The following KNG1 variants were observed in gnomAD, a reference collection of about 807,000 sequenced individuals.
The protein encoded by KNG1 is kininogen-1.
In KNG1, 23 loss-of-function variants were observed where a neutral mutation model predicts 47.8. The observed-to-expected ratio is 0.48, with a 90% CI of 0.35 to 0.68. The LOEUF is 0.68. Among genes scored for constraint, KNG1 ranks in the 30% least tolerant of loss-of-function variants. The pLI is 0.01. For synonymous variants in KNG1, 277 were observed against 277.0 expected, an observed-to-expected ratio of 1.00 and a Z score of 0.00; for missense variants, 762 against 790.2, an observed-to-expected ratio of 0.96 and a Z score of 0.43.
chr3:186,743,477 T>C lies in KNG1; in HGVS notation c.*1146T>C, dbSNP rs1042799829. On this transcript the variant is annotated 3_prime_UTR_variant, in exon 10 of 10. Coordinates refer to ENST00000644859, the MANE Select transcript of KNG1 (RefSeq NM_001102416.3). Reference sequence around the variant, plus strand: ...TACTTTTGCCTAGAAAAACAAGATATGGCTTTAAATAGCTACAATCATCTT... The same window carrying C: ...TACTTTTGCCTAGAAAAACAAGATACGGCTTTAAATAGCTACAATCATCTT... The C allele has an allele frequency of 9.2e-6, 5 of 542,766 alleles. No individual in the cohort carries two copies. Among genetic ancestry groups the C allele is most frequent in the East Asian group, 3.2e-5 (1 of 31,138 alleles). The allele number at this position is 542,766 out of a possible 1,614,324, so 33.6% of individuals were successfully genotyped here. A position where few individuals can be genotyped will look rare whatever the true frequency, so the allele number is the denominator to read the frequency against.
chr3:186,726,163 A>C (rs1021068656), intron 4 of KNG1, among the ~76,000 whole-genome samples: 2 of 151,750 alleles, frequency 1.3e-5, no homozygotes, highest in African/African-American at 2.4e-5. Flanking sequence ...CAAACTCCCA[A>C]CCTCAAGTCA....
intron 5 of KNG1, among the ~76,000 whole-genome samples, chr3:186,729,759 G>T (rs975590339): frequency 3.3e-5 from 5 of 151,556 alleles, no homozygotes; most frequent in Non-Finnish European, 7.4e-5. Context: ...TGCAACCTCC[G>T]CCTCCCGGGT....
At chr3:186,735,489 G>T (rs1720649968) in intron 7 of KNG1, among the ~76,000 whole-genome samples, 1 of 151,936 alleles carries the variant, frequency 6.6e-6, no homozygotes, top group Non-Finnish European at 1.5e-5. Flanking sequence ...GTGGTGGTGG[G>T]TGCCTATAAT....
Position 186,738,701 on chromosome 3 carries a change from C to G in KNG1, c.931-398C>G, listed in dbSNP as rs143550734. The G allele has an allele frequency of 1.8e-3, 376 of 212,938 alleles. 6 individuals carry two copies. The highest frequency in any genetic ancestry group is 8.7e-3 in the African/African-American group (367 of 42,002). 13.2% of individuals were successfully genotyped at this position (212,938 alleles called of 1,614,324 possible). ...ATCTCTACTAAAAATATAAAATTAG[C>G]CAGGCGTGGAGGTGGGCAACTGTAA... is the stretch of plus-strand genomic sequence containing the variant. On this transcript the variant is annotated intron_variant, in intron 7 of 9. Coordinates refer to ENST00000644859, the MANE Select transcript of KNG1 (RefSeq NM_001102416.3).
Position 186,742,129 on chromosome 3 carries a change from C to T in KNG1, c.1733C>T (p.Pro578Leu). The T allele has an allele frequency of 6.2e-7, 1 of 1,614,090 alleles. No individual in the cohort carries two copies. Among genetic ancestry groups the T allele is most frequent in the Non-Finnish European group, 8.5e-7 (1 of 1,180,014 alleles). ...LIATMMPPISPAPIQSDDDWI... is the reference protein window; with the variant it reads ...LIATMMPPISLAPIQSDDDWI... ...GCAACTATGATGCCTCCTATATCACCAGCTCCCATACAGAGTGATGACGAT... is the reference window on the plus strand; with the variant it reads ...GCAACTATGATGCCTCCTATATCACTAGCTCCCATACAGAGTGATGACGAT... Residue 578 changes from proline (P) to leucine (L), a missense_variant, in exon 10 of 10, where the codon CCA becomes CTA. Physicochemically the swap from Pro to Leu is moderately conservative, Grantham distance 98. Coordinates refer to ENST00000644859, the MANE Select transcript of KNG1 (RefSeq NM_001102416.3).
At chr3:186,734,177 G>A (rs924035772) in intron 7 of KNG1, among the ~76,000 whole-genome samples, 1 of 152,048 alleles carries the variant, frequency 6.6e-6, no homozygotes, top group Admixed American at 6.5e-5. Flanking sequence ...TCATACTTTT[G>A]GCTCAGAATT....
rs1579127849 is a variant in KNG1, at chr3:186,736,944, G to A, written c.931-2155G>A. 3 of 152,348 alleles carry A rather than the reference G, an allele frequency of 2.0e-5. No homozygotes were observed. In the Middle Eastern group the frequency reaches 0.01, roughly 518 times the overall value. 9.4% of individuals were successfully genotyped at this position (152,348 alleles called of 1,614,324 possible). A position where few individuals can be genotyped will look rare whatever the true frequency, so the allele number is the denominator to read the frequency against. ...CACTTGCCCGTAATCTCAGCTACTTGGGGGCGCTGAGGCAGGAGAATCACT... is the reference window on the plus strand; with the variant it reads ...CACTTGCCCGTAATCTCAGCTACTTAGGGGCGCTGAGGCAGGAGAATCACT... On this transcript the variant is annotated intron_variant, in intron 7 of 9. Coordinates refer to ENST00000644859, the MANE Select transcript of KNG1 (RefSeq NM_001102416.3).
At chr3:186,725,333 T>C in intron 4 of KNG1, 73 bp downstream of exon 4, 1 of 1,420,848 alleles carries the variant, frequency 7.0e-7, no homozygotes, top group Non-Finnish European at 9.9e-7. Context: ...AAATGTATGA[T>C]TGCATGGCTG....
Position 186,739,103 on chromosome 3 carries a change from T to G in KNG1, c.935T>G (p.Val312Gly), listed in dbSNP as rs1290896020. ...DNVKKARVQVVAGKKYFIDFV... is the reference protein window; with the variant it reads ...DNVKKARVQVGAGKKYFIDFV... ...TTGTACTAATTAATTTTTCAGGTGGTGGCTGGCAAGAAATATTTTATTGAC... is the reference window on the plus strand; with the variant it reads ...TTGTACTAATTAATTTTTCAGGTGGGGGCTGGCAAGAAATATTTTATTGAC... Residue 312 changes from valine to glycine, a missense_variant, in exon 8 of 10, where the codon GTG becomes GGG. Transcript: ENST00000644859. The G allele has an allele frequency of 3.1e-6, 5 of 1,612,880 alleles. No individual in the cohort carries two copies. Among genetic ancestry groups the G allele is most frequent in the Non-Finnish European group, 4.2e-6 (5 of 1,179,004 alleles).
chr3:186,743,753 G>A lies in KNG1; in HGVS notation c.*1422G>A, dbSNP rs766328017. Reference sequence around the variant, plus strand: ...CAAGGGTCGACCCCCAAAGGCAGGGGCAGAGCCAGCATCTGAGAGGGAGGT... The same window carrying A: ...CAAGGGTCGACCCCCAAAGGCAGGGACAGAGCCAGCATCTGAGAGGGAGGT... On this transcript the variant is annotated 3_prime_UTR_variant, in exon 10 of 10. Coordinates refer to ENST00000644859, the MANE Select transcript of KNG1 (RefSeq NM_001102416.3). 5.0e-6 allele frequency: 8 copies of A among 1,614,014 alleles called. No individual in the cohort carries two copies. The East Asian group carries it at 1.1e-4, about 22-fold the overall frequency.
Position 186,742,596 on chromosome 3 carries a change from G to T in KNG1, c.*265G>T, listed in dbSNP as rs5030089. On this transcript the variant is annotated 3_prime_UTR_variant, in exon 10 of 10. Coordinates refer to ENST00000644859, the MANE Select transcript of KNG1 (RefSeq NM_001102416.3). Reference sequence around the variant, plus strand: ...CAGTAAACAGACAAACTAATGTGCCGTATGGCCTGCTGCAATTGGCTTCTC... The same window carrying T: ...CAGTAAACAGACAAACTAATGTGCCTTATGGCCTGCTGCAATTGGCTTCTC... The T allele has an allele frequency of 2.2e-3, 2,894 of 1,289,342 alleles. 59 individuals are homozygous for T. In the African/African-American group the frequency reaches 0.038, roughly 17 times the overall value. 79.9% of individuals were successfully genotyped at this position (1,289,342 alleles called of 1,614,324 possible). A position where few individuals can be genotyped will look rare whatever the true frequency, so the allele number is the denominator to read the frequency against.
intron 9 of KNG1, among the ~76,000 whole-genome samples, chr3:186,740,126 G>A (rs576947363): frequency 4.4e-4 from 67 of 151,874 alleles, no homozygotes; most frequent in Admixed American, 7.9e-4. Context: ...CAGATCCCCA[G>A]GGGATTCATA....
chr3:186,736,818 A>G (rs1479896476), intron 7 of KNG1: 2 of 152,206 alleles, frequency 1.3e-5, no homozygotes, highest in Non-Finnish European at 2.9e-5. Flanking sequence ...TGGGGGGCCG[A>G]GGCGGGCGGA....
At chr3:186,720,508 C>CA in intron 2 of KNG1, 3 of 283,408 alleles carry the variant, frequency 1.1e-5, no homozygotes, top group Non-Finnish European at 1.4e-5. Context: ...ACATTTGGGC[C>CA]AAGCCAAAGA....
intron 9 of KNG1, 131 bp from the exon 10 acceptor site, chr3:186,741,391 T>C (rs1720806554): frequency 4.0e-6 from 3 of 743,528 alleles, no homozygotes; most frequent in African/African-American, 1.8e-5. Context: ...AATGTTAATA[T>C]AGCATTTAAA....
chr3:186,735,897 C>T (rs1720660387), intron 7 of KNG1: 1 of 152,256 alleles, frequency 6.6e-6, no homozygotes, highest in Admixed American at 6.5e-5. Flanking sequence ...CCCATCTCAA[C>T]CTCCCAAGTA....
intron 6 of KNG1, 86 bp from the exon 7 acceptor site, chr3:186,732,416 T>A: frequency 7.7e-7 from 1 of 1,293,550 alleles, no homozygotes; most frequent in Non-Finnish European, 1.1e-6. Flanking sequence ...CCCTTATACA[T>A]GTGGATGCTG....
chr3:186,720,017 C>A, intron 1 of KNG1, 88 bp from the exon 2 acceptor site: 2 of 816,008 alleles, frequency 2.5e-6, no homozygotes, highest in Admixed American at 1.7e-5. Context: ...AGTCAAAGAT[C>A]AATATTCCTA....
rs78546162 is a variant in KNG1, at chr3:186,719,410, G to C, written c.196-695G>C. 5.3e-5 allele frequency among the ~76,000 whole-genome samples: 8 copies of C among 152,122 alleles called. No individual in the cohort carries two copies. In the East Asian group the frequency reaches 9.6e-4, roughly 18 times the overall value. On this transcript the variant is annotated intron_variant, in intron 1 of 9. Coordinates refer to ENST00000644859, the MANE Select transcript of KNG1 (RefSeq NM_001102416.3). Reference sequence around the variant, plus strand: ...TGTTTGCTTTTTCTAATTTGTAAAAGTCATATACGTTCATTAGGGGAAAAA... The same window carrying C: ...TGTTTGCTTTTTCTAATTTGTAAAACTCATATACGTTCATTAGGGGAAAAA...
Sources: gnomAD v4.1 joint callset for allele counts (sites outside exome capture counted in the v4.1 genomes callset) on GRCh38, gnomAD v4.1.1 for gene constraint, MANE v1.5 for transcripts, NCBI Gene and HGNC (gene_info 2026-07-23, HGNC 2026-07-21) for gene names.